TENM3: variants seen among roughly 807,000 people sequenced by gnomAD.
TENM3 encodes the protein teneurin-3.
A neutral mutation model predicts 255.1 loss-of-function variants in TENM3; 63 were observed. The observed-to-expected ratio is 0.25, with a 90% CI of 0.20 to 0.30. The LOEUF is 0.30. Among genes scored for constraint, TENM3 ranks in the 10% least tolerant of loss-of-function variants. The pLI is 1.00. For synonymous variants in TENM3, 1,306 were observed against 1,322.3 expected (o/e 0.99, Z 0.27); for missense variants, 2,929 against 3,461.1 (o/e 0.85, Z 3.86).
At chr4:181,884,589 C>A in the TENM3 span, among the ~76,000 whole-genome samples, 3 of 152,094 alleles carry the variant, frequency 2.0e-5, no homozygotes, top group Non-Finnish European at 4.4e-5. Context: ...TATTTAACAG[C>A]ATAATGTTTT....
intron 1 of TENM3, among the ~76,000 whole-genome samples, chr4:182,155,529 A>G (rs1409118942): frequency 6.6e-6 from 1 of 152,126 alleles, no homozygotes; most frequent in Admixed American, 6.6e-5. Flanking sequence ...TTTGTGATCA[A>G]TTCACTGTGC....
At chr4:182,654,038 CAATT>C (rs948366842) in intron 6 of TENM3, 145 bp downstream of exon 6, 4 of 742,546 alleles carry the variant, frequency 5.4e-6, no homozygotes, top group Non-Finnish European at 7.6e-6. Flanking sequence ...AAGTTTTTTT[CAATT>C]AATTTACTTG....
chr4:182,232,718 A>C (rs1216770701), intron 1 of TENM3, among the ~76,000 whole-genome samples: 7 of 152,150 alleles, frequency 4.6e-5, no homozygotes, highest in Non-Finnish European at 7.4e-5. Flanking sequence ...TATATACATG[A>C]ATTCCCCCCT....
the TENM3 span, among the ~76,000 whole-genome samples, chr4:181,515,062 A>G: frequency 6.6e-6 from 1 of 152,242 alleles, no homozygotes; most frequent in Non-Finnish European, 1.5e-5. Flanking sequence ...ACAATCTTCA[A>G]TTGCATGAAA....
the TENM3 span, among the ~76,000 whole-genome samples, chr4:181,667,163 A>G: frequency 6.6e-6 from 1 of 152,134 alleles, no homozygotes; most frequent in Non-Finnish European, 1.5e-5. Flanking sequence ...GTCCCACTAC[A>G]CAAAATGCTC....
intron 1 of TENM3, among the ~76,000 whole-genome samples, chr4:182,151,023 G>T (rs1750299323): frequency 2.6e-5 from 4 of 152,200 alleles, no homozygotes; most frequent in Middle Eastern, 3.4e-3. Context: ...ATTGTGACTA[G>T]AATTGTTGAC....
At chr4:181,604,260 G>A in the TENM3 span, among the ~76,000 whole-genome samples, 19 of 151,960 alleles carry the variant, frequency 1.3e-4, no homozygotes, top group Non-Finnish European at 2.4e-4. Flanking sequence ...GCGAGACTCC[G>A]TCTAAAAAAA....
chr4:181,660,864 A>C, the TENM3 span, among the ~76,000 whole-genome samples: 4 of 152,168 alleles, frequency 2.6e-5, no homozygotes, highest in Non-Finnish European at 5.9e-5. Flanking sequence ...ATTATATCAA[A>C]TACTTTCAAA....
At chr4:181,599,086 G>A in the TENM3 span, among the ~76,000 whole-genome samples, 8 of 152,210 alleles carry the variant, frequency 5.3e-5, no homozygotes, top group Non-Finnish European at 1.2e-4. Flanking sequence ...GAAAGGTTGT[G>A]TAAGTATCCA....
At chr4:182,558,976 G>A (rs1309044235) in intron 3 of TENM3, among the ~76,000 whole-genome samples, 1 of 152,070 alleles carries the variant, frequency 6.6e-6, no homozygotes, top group Non-Finnish European at 1.5e-5. Flanking sequence ...TAATCAGTGA[G>A]GCTTGGAATT....
At chr4:181,927,735 C>T in the TENM3 span, among the ~76,000 whole-genome samples, 2 of 152,232 alleles carry the variant, frequency 1.3e-5, no homozygotes, top group Admixed American at 6.5e-5. Context: ...CTGGGAGACA[C>T]CTCCCAGCAC....
intron 18 of TENM3, 115 bp downstream of exon 18, chr4:182,738,659 G>A: frequency 2.5e-6 from 2 of 811,264 alleles, no homozygotes; most frequent in Non-Finnish European, 3.5e-6. Context: ...CCATGCTGTA[G>A]GATTAGAAAT....
At chr4:182,378,572 C>T (rs182332074) in intron 3 of TENM3, among the ~76,000 whole-genome samples, 3 of 152,122 alleles carry the variant, frequency 2.0e-5, no homozygotes, top group East Asian at 3.9e-4. Context: ...AGGAAAGCAT[C>T]GCAAAGACCC....
intron 24 of TENM3, among the ~76,000 whole-genome samples, chr4:182,784,334 C>A (rs1346703469): frequency 6.6e-6 from 1 of 151,780 alleles, no homozygotes; most frequent in African/African-American, 2.4e-5. Flanking sequence ...CAGTGTGCCC[C>A]TGCTGGGGGG....
intron 3 of TENM3, among the ~76,000 whole-genome samples, chr4:182,458,976 G>A (rs2151378417): frequency 6.6e-6 from 1 of 152,292 alleles, no homozygotes; most frequent in South Asian, 2.1e-4. Flanking sequence ...CTTTTCCAAT[G>A]TTCCGTTATA....
the TENM3 span, among the ~76,000 whole-genome samples, chr4:181,675,522 G>T: frequency 6.6e-6 from 1 of 152,082 alleles, no homozygotes; most frequent in Non-Finnish European, 1.5e-5. Flanking sequence ...GTATGGAATT[G>T]TACATGTGAC....
chr4:181,831,207 T>A, the TENM3 span, among the ~76,000 whole-genome samples: 1 of 152,174 alleles, frequency 6.6e-6, no homozygotes, highest in Non-Finnish European at 1.5e-5. Flanking sequence ...CCCACAAATA[T>A]TAAGATTTTA....
At chr4:182,612,744 CAG>C (rs1749135709) in intron 4 of TENM3, among the ~76,000 whole-genome samples, 2 of 83,918 alleles carry the variant, frequency 2.4e-5, no homozygotes. Context: ...ATAATACACA[CAG>C]ACACACACAC....
At chr4:182,201,978 C>A (rs1172754291) in intron 1 of TENM3, among the ~76,000 whole-genome samples, 4 of 152,178 alleles carry the variant, frequency 2.6e-5, no homozygotes, top group African/African-American at 9.7e-5. Context: ...CTCCAAAGTT[C>A]TTTATGTAAT....
Sources: allele counts gnomAD v4.1 joint callset (sites outside exome capture counted in the v4.1 genomes callset), GRCh38; gene constraint gnomAD v4.1.1; transcripts MANE v1.5; gene names NCBI Gene and HGNC (gene_info 2026-07-23, HGNC 2026-07-21).